Variants in ARHGEF40 observed in about 807,000 individuals in gnomAD.
ARHGEF40 encodes the protein Rho guanine nucleotide exchange factor 40.
ARHGEF40 carries 98 observed loss-of-function variants against 165.9 expected under a neutral mutation model. That is an observed-to-expected ratio of 0.59 (90% CI 0.50 to 0.70). The LOEUF is 0.70. Among genes scored for constraint, ARHGEF40 ranks in the 30% least tolerant of loss-of-function variants. ARHGEF40 has a pLI of 0.00. For synonymous variants in ARHGEF40, 792 were observed against 814.3 expected (o/e 0.97, Z 0.47); for missense variants, 1,815 against 1,968.0 (o/e 0.92, Z 1.47).
chr14:21,073,375 T>G lies in ARHGEF40; in HGVS notation c.201+133T>G, dbSNP rs1887138153. On this transcript the variant is annotated intron_variant, in intron 2 of 23. Transcript: ENST00000298694. The surrounding 1 kb of genome is among the most constrained non-coding windows in gnomAD (Gnocchi z 4.6). ...TTGAAACCGATCTCTCCAGAATCAC[T>G]TAAGCTTCATTCTCTGACCTCTCAC... The G allele has an allele frequency of 9.6e-7, 1 of 1,037,820 alleles. No homozygotes were observed. Among genetic ancestry groups the G allele is most frequent in the African/African-American group, 1.6e-5 (1 of 62,316 alleles). The allele number at this position is 1,037,820 out of a possible 1,614,324, so 64.3% of individuals were successfully genotyped here.
At position 21,075,652 on chromosome 14, in the gene ARHGEF40, G is replaced by A; in HGVS notation, c.1626G>A (p.Val542=). The A allele has an allele frequency of 6.2e-7, 1 of 1,614,010 alleles. No homozygotes were observed. The highest frequency in any genetic ancestry group is 2.2e-5 in the East Asian group (1 of 44,880). The change falls in exon 5 of 24, where the codon GTG becomes GTA. Residue 542 remains valine (V), a synonymous_variant. Transcript: ENST00000298694. The surrounding 1 kb of genome is among the most constrained non-coding windows in gnomAD (Gnocchi z 4.5). Reference sequence around the variant, plus strand: ...GCCATTTTGTGTCTTCAGGAGGGGTGGACCAGAGTGGGCGAGCTCTGCTGA... The same window carrying A: ...GCCATTTTGTGTCTTCAGGAGGGGTAGACCAGAGTGGGCGAGCTCTGCTGA... The part of the protein sequence containing the change: ...ASGFLILTGG[V]DQSGRALLTI...
rs1356096622 is a variant in ARHGEF40, at chr14:21,072,077, C to G, written c.4-968C>G. On this transcript the variant is annotated intron_variant, in intron 1 of 23. Coordinates refer to ENST00000298694, the MANE Select transcript of ARHGEF40 (RefSeq NM_018071.5). The surrounding 1 kb of genome is among the most constrained non-coding windows in gnomAD (Gnocchi z 4.1). ...TTACAGCAAAAAAGAAAAAAAAATT[C>G]CAGTAAAAGGGACTTCAAAGACTGT... 6.6e-6 allele frequency among the ~76,000 whole-genome samples: 1 copy of G among 152,096 alleles called. No individual in the cohort carries two copies. Among genetic ancestry groups the G allele is most frequent in the Non-Finnish European group, 1.5e-5 (1 of 68,026 alleles).
Position 21,072,489 on chromosome 14 carries a change from C to T in ARHGEF40, c.4-556C>T, listed in dbSNP as rs943952097. Among the ~76,000 whole-genome samples the T allele has an allele frequency of 2.0e-5, 3 of 152,178 alleles. No individual in the cohort carries two copies. The highest frequency in any genetic ancestry group is 4.4e-5 in the Non-Finnish European group (3 of 68,024). ...TCACAGACAGTCTTTCCATCCTCCT[C>T]TTTCCACCAAATGACCATCTCTAGC... On this transcript the variant is annotated intron_variant, in intron 1 of 23. Coordinates refer to ENST00000298694, the MANE Select transcript of ARHGEF40 (RefSeq NM_018071.5). The surrounding 1 kb of genome is among the most constrained non-coding windows in gnomAD (Gnocchi z 4.1).
intron 13 of ARHGEF40, 160 bp from the exon 14 acceptor site, chr14:21,081,349 G>A (rs1479476951): frequency 3.7e-6 from 4 of 1,071,292 alleles, no homozygotes; most frequent in Non-Finnish European, 5.3e-6. Flanking sequence ...AACTCCGAGT[G>A]ACATGGTTAG....
chr14:21,074,619 C>T lies in ARHGEF40; in HGVS notation c.889C>T (p.Pro297Ser), dbSNP rs1566523639. 6.4e-7 allele frequency: 1 copy of T among 1,567,140 alleles called. No homozygotes were observed. The change falls in exon 3 of 24, where the codon CCT (proline) becomes TCT (serine). Residue 297 changes from proline to serine, a missense_variant. Physicochemically the swap from Pro to Ser is moderately conservative, Grantham distance 74. Transcript: ENST00000298694. The surrounding 1 kb of genome is among the most constrained non-coding windows in gnomAD (Gnocchi z 4.8). ...RAWMHQKGLG[P>S]RGQDGARPPG... ...GTGGATGCACCAGAAGGGCCTGGGG[C>T]CTCGGGGCCAGGATGGAGCACGCCC...
chr14:21,083,856 T>G lies in ARHGEF40; in HGVS notation c.3595T>G (p.Tyr1199Asp). Residue 1199 changes from tyrosine (Y) to aspartate (D), a missense_variant, in exon 17 of 24, where the codon TAC becomes GAC. Transcript: ENST00000298694. The stretch of plus-strand genomic sequence containing the variant: ...CTAGGGCTCCATGGAGGCTGGCCCT[T>G]ACCTGCCCCGAGCCCTGCAGCAGCC... Reference protein sequence around the residue: ...LSKGSMEAGPYLPRALQQPLE... With the variant: ...LSKGSMEAGPDLPRALQQPLE... 1 of 1,613,840 alleles carries G rather than the reference T, an allele frequency of 6.2e-7. No homozygotes were observed.
upstream of ARHGEF40, among the ~76,000 whole-genome samples, chr14:21,069,898 T>G (rs1431864484): frequency 6.6e-6 from 1 of 152,174 alleles, no homozygotes; most frequent in African/African-American, 2.4e-5. Context: ...ACCCCAGTTC[T>G]GGGAAGGGGC....
Position 21,070,622 on chromosome 14 carries a change from C to T in ARHGEF40, c.3+223C>T, listed in dbSNP as rs1358966374. Among the ~76,000 whole-genome samples, 1 of 152,056 alleles carries T rather than the reference C, an allele frequency of 6.6e-6. No individual in the cohort carries two copies. The highest frequency in any genetic ancestry group is 1.5e-5 in the Non-Finnish European group (1 of 68,012). On this transcript the variant is annotated intron_variant, in intron 1 of 23. Coordinates refer to ENST00000298694, the MANE Select transcript of ARHGEF40 (RefSeq NM_018071.5). This position sits in a 1 kb window ranked among gnomAD's most constrained non-coding sequence, Gnocchi z 4.7. ...CTCACCCTTTCTTCCTCCTCTCCTC[C>T]GCCTCCTCCCCCATCCTCCCTTGGG... is the stretch of plus-strand genomic sequence containing the variant.
Position 21,081,577 on chromosome 14 carries a change from G to A in ARHGEF40, c.2709G>A (p.Leu903=). ...CTGGGCCGGGTCGGGAGGCTGTGCTGGCTGCACTGGCCCTGCGGCGGGCCC... is the reference window on the plus strand; with the variant it reads ...CTGGGCCGGGTCGGGAGGCTGTGCTAGCTGCACTGGCCCTGCGGCGGGCCC... The part of the protein sequence containing the change: ...AGAGPGREAV[L]AALALRRAPE... The change falls in exon 14 of 24, where the codon CTG becomes CTA. Residue 903 remains leucine (L), a synonymous_variant. Transcript: ENST00000298694. 1 of 1,612,498 alleles carries A rather than the reference G, an allele frequency of 6.2e-7. No homozygotes were observed. Among genetic ancestry groups the A allele is most frequent in the Non-Finnish European group, 8.5e-7 (1 of 1,179,790 alleles).
intron 19 of ARHGEF40, 69 bp from the exon 20 acceptor site, chr14:21,086,928 AAATC>A (rs145744937): frequency 0.5 from 634,018 of 1,260,484 alleles, 174,925 homozygotes; most frequent in Non-Finnish European, 0.53. Flanking sequence ...AAAAAGAAAA[AAATC>A]AACCATGACA....
chr14:21,080,102 C>G (rs1285864667), intron 11 of ARHGEF40, among the ~76,000 whole-genome samples: 1 of 152,104 alleles, frequency 6.6e-6, no homozygotes, highest in Non-Finnish European at 1.5e-5. Context: ...CAGCTTCCAG[C>G]CTTTCTTCAG....
intron 11 of ARHGEF40, among the ~76,000 whole-genome samples, chr14:21,079,410 C>G (rs1887695961): frequency 6.6e-6 from 1 of 152,162 alleles, no homozygotes; most frequent in African/African-American, 2.4e-5. Context: ...GATGTCATCC[C>G]TCAGACCTGA....
intron 8 of ARHGEF40, among the ~76,000 whole-genome samples, chr14:21,077,299 T>G (rs1202920133): frequency 7.7e-6 from 1 of 130,554 alleles, no homozygotes; most frequent in African/African-American, 2.7e-5. Flanking sequence ...TTTTTTTTTT[T>G]GTAGAGACGG....
At position 21,074,879 on chromosome 14, in the gene ARHGEF40, G is replaced by T; in HGVS notation, c.1149G>T (p.Lys383Asn). 6.2e-7 allele frequency: 1 copy of T among 1,610,994 alleles called. No homozygotes were observed. The highest frequency in any genetic ancestry group is 8.5e-7 in the Non-Finnish European group (1 of 1,178,802). ...CAGGCAAAGGAAACAGAAGAAAGAA[G>T]CGAGCTGCAGGTCGAGGGGCTCTTA... Reference protein sequence around the residue: ...RRTGKGNRRKKRAAGRGALSR... With the variant: ...RRTGKGNRRKNRAAGRGALSR... The change falls in exon 3 of 24, where the codon AAG becomes AAT. Residue 383 changes from lysine (K) to asparagine (N), a missense_variant. Lys to Asn is a moderately conservative substitution (Grantham distance 94, BLOSUM62 0). Transcript: ENST00000298694. The surrounding 1 kb of genome is among the most constrained non-coding windows in gnomAD (Gnocchi z 4.8).
At chr14:21,081,397 C>A in intron 13 of ARHGEF40, 112 bp from the exon 14 acceptor site, 1 of 1,417,606 alleles carries the variant, frequency 7.1e-7, no homozygotes, top group Non-Finnish European at 9.6e-7. Flanking sequence ...AGGAGAGTGA[C>A]GGGCATTGGG....
chr14:21,073,455 C>CA lies in ARHGEF40; in HGVS notation c.201+214dup, dbSNP rs893676496. On this transcript the variant is annotated intron_variant, in intron 2 of 23. Coordinates refer to ENST00000298694, the MANE Select transcript of ARHGEF40 (RefSeq NM_018071.5). The surrounding 1 kb of genome is among the most constrained non-coding windows in gnomAD (Gnocchi z 4.6). ...TCAGATGCTAACACACACACACACA[C>CA]ACACATTCATCTTCCCCAAATTCAT... 2.0e-5 allele frequency among the ~76,000 whole-genome samples: 3 copies of CA among 149,666 alleles called. No individual in the cohort carries two copies. Among genetic ancestry groups the CA allele is most frequent in the African/African-American group, 4.9e-5 (2 of 40,460 alleles).
At chr14:21,087,521 G>C in intron 21 of ARHGEF40, 58 bp downstream of exon 21, 2 of 1,579,852 alleles carry the variant, frequency 1.3e-6, no homozygotes, top group Non-Finnish European at 1.7e-6. Context: ...TGATGTTCAG[G>C]CTGCTTGCTG....
At chr14:21,079,122 G>A (rs1429275689) in intron 11 of ARHGEF40, 112 bp downstream of exon 11, 70 of 1,383,058 alleles carry the variant, frequency 5.1e-5, no homozygotes, top group South Asian at 4.2e-5. Flanking sequence ...TTGGTTGAAC[G>A]CCCCTCCCTC....
chr14:21,082,599 GC>G, intron 15 of ARHGEF40, 121 bp downstream of exon 15: 1 of 1,237,294 alleles, frequency 8.1e-7, no homozygotes, highest in Non-Finnish European at 1.1e-6. Flanking sequence ...TGACCTTGGG[GC>G]CCAGCCCTGT....
Sources: gnomAD v4.1 joint callset for allele counts (sites outside exome capture counted in the v4.1 genomes callset) on GRCh38, gnomAD v4.1.1 for gene constraint, Gnocchi (gnomAD v3.1) non-coding constraint, MANE v1.5 for transcripts, NCBI Gene and HGNC (gene_info 2026-07-23, HGNC 2026-07-21) for gene names.